HYI: variants seen among roughly 807,000 people sequenced by gnomAD.
HYI encodes the protein hydroxypyruvate isomerase (putative).
In HYI, 47 loss-of-function variants were observed where a neutral mutation model predicts 39.7. That is an observed-to-expected ratio of 1.18 (90% CI 0.94 to 1.51). The LOEUF is 1.51. HYI is among the 40% of genes most tolerant of loss of function. The pLI is 0.00. For missense variants in HYI, 465 were observed against 370.3 expected (o/e 1.26, Z -2.10); for synonymous variants, 186 against 158.8 (o/e 1.17, Z -1.29).
chr1:43,452,742 CCT>C (rs1656578862), intron 2 of HYI: 1 of 702,598 alleles, frequency 1.4e-6, no homozygotes, highest in Admixed American at 2.2e-5. Context: ...GTAGTGATCC[CCT>C]CTTGCCAGTT....
chr1:43,450,832 C>T, downstream of HYI: 1 of 710,524 alleles, frequency 1.4e-6, no homozygotes, highest in African/African-American at 1.7e-5. This position sits in a 1 kb window ranked among gnomAD's most constrained non-coding sequence, Gnocchi z 4.3. Flanking sequence ...TGAATCCTGC[C>T]CCCTAGCCTT....
chr1:43,450,874 C>A, downstream of HYI: 1 of 725,458 alleles, frequency 1.4e-6, no homozygotes, highest in Non-Finnish European at 2.5e-6. This position sits in a 1 kb window ranked among gnomAD's most constrained non-coding sequence, Gnocchi z 4.3. Context: ...GTCCCTTGAG[C>A]CTTCGGGTCT....
At chr1:43,452,921 G>T (rs969584373) in intron 2 of HYI, 3 of 1,606,034 alleles carry the variant, frequency 1.9e-6, no homozygotes, top group African/African-American at 2.7e-5. Context: ...CCTCAGGAAC[G>T]CTGCCAAATA....
chr1:43,451,272 C>T lies in HYI; in HGVS notation c.800G>A (p.Trp267Ter), dbSNP rs747620571. 3.7e-6 allele frequency: 6 copies of T among 1,613,832 alleles called. No homozygotes were observed. Among genetic ancestry groups the T allele is most frequent in the Middle Eastern group, 1.6e-4 (1 of 6,062 alleles). Residue 267 changes from tryptophan to a stop codon, truncating the protein, a stop_gained, in exon 8 of 8, where the codon TGG (tryptophan) becomes TAG (stop). Coordinates refer to ENST00000372430, the MANE Select transcript of HYI (RefSeq NM_001190880.3). LOFTEE classifies it high-confidence loss of function. ...VEGLSWLRSY[W>*]DRRGHPEAGQ ...AGCCTCTGGGTGGCCCCGCCTATCC[C>T]AGTATGAACGTAGCCAACTCAAGCC...
rs1465932367 is a variant in HYI at position 43,453,610 on chromosome 1, T to A, written c.184A>T (p.Ile62Phe). The change falls in exon 1 of 8, where the codon ATC (isoleucine) becomes TTC (phenylalanine). Residue 62 changes from isoleucine to phenylalanine, a missense_variant. Coordinates refer to ENST00000372430, the MANE Select transcript of HYI (RefSeq NM_001190880.3). ...CGCGACGCACCCGGGGGCGTGTTGA[T>A]CAGTACAAGCCGCAGCCCCGCTTCT... is the stretch of plus-strand genomic sequence containing the variant. Reference protein sequence around the residue: ...AREAGLRLVLINTPPGDQEKG... With the variant: ...AREAGLRLVLFNTPPGDQEKG... The A allele has an allele frequency of 2.0e-6, 3 of 1,529,424 alleles. No homozygotes were observed. Among genetic ancestry groups the A allele is most frequent in the South Asian group, 2.4e-5 (2 of 81,934 alleles). 94.7% of individuals were successfully genotyped at this position (1,529,424 alleles called of 1,614,324 possible). A position where few individuals can be genotyped will look rare whatever the true frequency, so the allele number is the denominator to read the frequency against.
Position 43,453,417 on chromosome 1 carries a change from C to T in HYI, c.280G>A (p.Val94Met), listed in dbSNP as rs770465127. 1.3e-6 allele frequency: 2 copies of T among 1,558,838 alleles called. No homozygotes were observed. The highest frequency in any genetic ancestry group is 1.2e-5 in the South Asian group (1 of 84,688). Residue 94 changes from valine (V) to methionine (M), a missense_variant, in exon 2 of 8, where the codon GTG (valine) becomes ATG (methionine). Coordinates refer to ENST00000372430, the MANE Select transcript of HYI (RefSeq NM_001190880.3). The stretch of plus-strand genomic sequence containing the variant: ...CAGCCCAGGGCTTTGGCATACCGCA[C>T]GGCCTGCTCCAGTCCCTCTCGGAAG... ...AAFREGLEQA[V>M]RYAKALGCPR...
At chr1:43,450,616 A>T, downstream of HYI, 1 of 1,339,748 alleles carries the variant, frequency 7.5e-7, no homozygotes, top group Admixed American at 2.1e-5. This position sits in a 1 kb window ranked among gnomAD's most constrained non-coding sequence, Gnocchi z 4.3. Context: ...AGGCTTTGTA[A>T]CTATGTCTTG....
chr1:43,453,537 C>A, intron 1 of HYI, 40 bp from the exon 2 acceptor site: 1 of 1,524,000 alleles, frequency 6.6e-7, no homozygotes, highest in Non-Finnish European at 8.8e-7. Flanking sequence ...CTCGGACACT[C>A]CCCTGCCCGC....
Position 43,453,476 on chromosome 1 carries a change from A to G in HYI, c.221T>C (p.Met74Thr), listed in dbSNP as rs1350581881. The G allele has an allele frequency of 2.6e-6, 4 of 1,559,156 alleles. No individual in the cohort carries two copies. Among genetic ancestry groups the G allele is most frequent in the East Asian group, 4.9e-5 (2 of 41,204 alleles). The change falls in exon 2 of 8, where the codon ATG (methionine) becomes ACG (threonine). Residue 74 changes from methionine to threonine, a missense_variant. Coordinates refer to ENST00000372430, the MANE Select transcript of HYI (RefSeq NM_001190880.3). ...TCTCCCGGGGACGGCCCCCAGCCCC[A>G]TTTCCCCCTTCTCTTGGTCTCCTGC... ...TPPGDQEKGE[M>T]GLGAVPGRQA... is the part of the protein sequence containing the mutation.
Position 43,452,198 on chromosome 1 carries a change from T to C in HYI, c.426+7A>G, listed in dbSNP as rs750341274. The stretch of plus-strand genomic sequence containing the variant: ...TGTAAGTACGTGTGTGTTTCCACCT[T>C]TCTCACCTGAGCCAAAACCCCAGCT... On this transcript the variant is annotated splice_region_variant and intron_variant, in intron 3 of 7. Coordinates refer to ENST00000372430, the MANE Select transcript of HYI (RefSeq NM_001190880.3). The C allele has an allele frequency of 6.2e-7, 1 of 1,608,618 alleles. No homozygotes were observed. The highest frequency in any genetic ancestry group is 8.5e-7 in the Non-Finnish European group (1 of 1,176,558).
chr1:43,451,376 C>T lies in HYI; in HGVS notation c.760+34G>A, dbSNP rs540168498. On this transcript the variant is annotated intron_variant, in intron 7 of 7. Coordinates refer to ENST00000372430, the MANE Select transcript of HYI (RefSeq NM_001190880.3). Reference sequence around the variant, plus strand: ...GAGAAAACAGCCCCTGTCCGGGTCCCTCCAGAGCTCCCTTCCCCAGGGCCA... The same window carrying T: ...GAGAAAACAGCCCCTGTCCGGGTCCTTCCAGAGCTCCCTTCCCCAGGGCCA... The T allele has an allele frequency of 8.1e-6, 13 of 1,611,980 alleles. No homozygotes were observed. The East Asian group carries it at 1.8e-4, about 22-fold the overall frequency.
chr1:43,452,269 ACTGCTATTCGAT>A lies in HYI; in HGVS notation c.350_361del (p.Asp117_Ala120del). The A allele has an allele frequency of 6.2e-7, 1 of 1,614,046 alleles. No homozygotes were observed. The highest frequency in any genetic ancestry group is 8.5e-7 in the Non-Finnish European group (1 of 1,179,980). ...AAAAACGGCCTCCATCTCAGCCTTG[ACTGCTATTCGAT>A]CAGCTCCCTGGGGTACTCGGCCAGC... On this transcript the variant is annotated inframe_deletion, in exon 3 of 8. Coordinates refer to ENST00000372430, the MANE Select transcript of HYI (RefSeq NM_001190880.3).
Position 43,452,270 on chromosome 1 carries a change from C to T in HYI, c.361G>A (p.Val121Ile). 6.2e-7 allele frequency: 1 copy of T among 1,614,126 alleles called. No individual in the cohort carries two copies. Among genetic ancestry groups the T allele is most frequent in the Non-Finnish European group, 8.5e-7 (1 of 1,180,000 alleles). ...AAAACGGCCTCCATCTCAGCCTTGA[C>T]TGCTATTCGATCAGCTCCCTGGGGT... is the stretch of plus-strand genomic sequence containing the variant. ...RVPQGADRIA[V>I]KAEMEAVFLE... is the part of the protein sequence containing the mutation. The change falls in exon 3 of 8, where the codon GTC (valine) becomes ATC (isoleucine). Residue 121 changes from valine to isoleucine, a missense_variant. Transcript: ENST00000372430.
Position 43,452,770 on chromosome 1 carries a change from T to G in HYI, c.312-451A>C, listed in dbSNP as rs914181889. 15 of 869,982 alleles carry G rather than the reference T, an allele frequency of 1.7e-5. 1 individual carries two copies. The African/African-American group carries it at 2.2e-4, about 12-fold the overall frequency. 53.9% of individuals were successfully genotyped at this position (869,982 alleles called of 1,614,324 possible). On this transcript the variant is annotated intron_variant, in intron 2 of 7. Coordinates refer to ENST00000372430, the MANE Select transcript of HYI (RefSeq NM_001190880.3). ...CTTGCCAGTTCCTTCTGAGCCTGTT[T>G]GGCCTCTGCAGGATTTGACATTTGA...
At position 43,451,054 on chromosome 1, in the gene HYI, C is replaced by T. The variant is rs757783499; in HGVS notation, c.*184G>A. The T allele has an allele frequency of 5.0e-5, 40 of 792,744 alleles. No individual in the cohort carries two copies. Among genetic ancestry groups the T allele is most frequent in the Non-Finnish European group, 7.7e-5 (34 of 444,398 alleles). The allele number at this position is 792,744 out of a possible 1,614,324, so 49.1% of individuals were successfully genotyped here. A position where few individuals can be genotyped will look rare whatever the true frequency, so the allele number is the denominator to read the frequency against. On this transcript the variant is annotated 3_prime_UTR_variant, in exon 8 of 8. Coordinates refer to ENST00000372430, the MANE Select transcript of HYI (RefSeq NM_001190880.3). ...GGGTTCAGAAGCTCTCCCATCTTCA[C>T]AGCAACCCTGGCACTGGCTTCTCAA...
At position 43,453,730 on chromosome 1, in the gene HYI, C is replaced by G. The variant is rs1372944814; in HGVS notation, c.64G>C (p.Ala22Pro). The stretch of plus-strand genomic sequence containing the variant: ...GAGCTGCCCGCGGCCCGCACCCGCG[C>G]GGGGAGGCCGGAGAGCTCGGGGAAT... ...WLFPELSGLP[A>P]RVRAAGSSGF... is the part of the protein sequence containing the mutation. Residue 22 changes from alanine to proline, a missense_variant, in exon 1 of 8, where the codon GCG becomes CCG. Ala to Pro is a conservative substitution (Grantham distance 27, BLOSUM62 -1). Transcript: ENST00000372430. The G allele has an allele frequency of 7.2e-7, 1 of 1,386,688 alleles. No homozygotes were observed. Among genetic ancestry groups the G allele is most frequent in the Non-Finnish European group, 9.2e-7 (1 of 1,082,220 alleles). 85.9% of individuals were successfully genotyped at this position (1,386,688 alleles called of 1,614,324 possible).
Position 43,451,391 on chromosome 1 carries a change from C to G in HYI, c.760+19G>C. 2 of 1,611,974 alleles carry G rather than the reference C, an allele frequency of 1.2e-6. No individual in the cohort carries two copies. Among genetic ancestry groups the G allele is most frequent in the South Asian group, 2.2e-5 (2 of 91,090 alleles). ...GTCCGGGTCCCTCCAGAGCTCCCTT[C>G]CCCAGGGCCACGCCTCACCTCGAGG... On this transcript the variant is annotated intron_variant, in intron 7 of 7. Transcript: ENST00000372430.
intron 2 of HYI, chr1:43,452,826 C>T: frequency 6.8e-7 from 1 of 1,463,686 alleles, no homozygotes; most frequent in East Asian, 2.5e-5. Context: ...TCCACCTCCT[C>T]CCATCATCCC....
At position 43,453,836 on chromosome 1, in the gene HYI, G is replaced by GCGGCGGC; in HGVS notation, c.-44_-43insGCCGCCG. On this transcript the variant is annotated 5_prime_UTR_variant, in exon 1 of 8. Transcript: ENST00000372430. ...CGGGCGGAGTCCGCGGGATCCAAAG[G>GCGGCGGC]CGGCGGGCGGCGGGCGGCGGGCGGC... 8.2e-7 allele frequency: 1 copy of GCGGCGGC among 1,222,230 alleles called. No homozygotes were observed. The allele number at this position is 1,222,230 out of a possible 1,614,324, so 75.7% of individuals were successfully genotyped here.
Sources: gnomAD v4.1 joint callset for allele counts on GRCh38, gnomAD v4.1.1 for gene constraint, Gnocchi (gnomAD v3.1) non-coding constraint, MANE v1.5 for transcripts, NCBI Gene and HGNC (gene_info 2026-07-23, HGNC 2026-07-21) for gene names.